The following DYSF variants were observed in gnomAD, a reference collection of about 807,000 sequenced individuals.
DYSF encodes dysferlin, also known as dystrophy-associated fer-1-like 1.
Under a neutral mutation model 274.9 loss-of-function variants are expected in DYSF, and 212 were observed. That is an observed-to-expected ratio of 0.77 (90% CI 0.69 to 0.86). The LOEUF (loss-of-function observed/expected upper bound fraction) is 0.86. Among genes scored for constraint, DYSF ranks in the 40% least tolerant of loss-of-function variants. The pLI, the probability that DYSF is intolerant of heterozygous loss-of-function variation, is 0.00. For synonymous variants in DYSF, 1,091 were observed against 1,078.7 expected (o/e 1.01, Z -0.22); for missense variants, 2,666 against 2,783.2 (o/e 0.96, Z 0.95).
intron 4 of DYSF, among the ~76,000 whole-genome samples, chr2:71,505,510 G>A (rs1283168735): frequency 6.6e-6 from 1 of 152,244 alleles, no homozygotes; most frequent in Non-Finnish European, 1.5e-5. Flanking sequence ...GCGTGGGGGA[G>A]GCCGGGAGTC....
intron 14 of DYSF, among the ~76,000 whole-genome samples, chr2:71,531,979 G>A (rs1022754492): frequency 6.6e-6 from 1 of 152,184 alleles, no homozygotes; most frequent in East Asian, 1.9e-4. Flanking sequence ...CTGAGGTAAT[G>A]AGTCAGCATT....
chr2:71,669,700 C>A lies in DYSF; in HGVS notation c.5738C>A (p.Pro1913His). Residue 1913 changes from proline to histidine, a missense_variant, in exon 51 of 56, where the codon CCC (proline) becomes CAC (histidine). Pro to His is a moderately conservative substitution (Grantham distance 77). This residue lies in a region of DYSF where 1,460 missense variants were observed against 1,502.1 expected (regional missense o/e 0.97). Coordinates refer to ENST00000410020, the MANE Select transcript of DYSF (RefSeq NM_001130987.2). Reference protein sequence around the residue: ...EGNFNWRFIFPFDYLPAEQVC... With the variant: ...EGNFNWRFIFHFDYLPAEQVC... ...AACTTCAACTGGAGGTTCATTTTCC[C>A]CTTCGACTACCTGCCAGCTGAGCAA... 1 of 1,614,156 alleles carries A rather than the reference C, an allele frequency of 6.2e-7. No homozygotes were observed.
At position 71,553,881 on chromosome 2, in the gene DYSF, A is replaced by G. The variant is rs113450735; in HGVS notation, c.2059A>G (p.Ser687Gly). 1 of 1,614,134 alleles carries G rather than the reference A, an allele frequency of 6.2e-7. No individual in the cohort carries two copies. Among genetic ancestry groups the G allele is most frequent in the Non-Finnish European group, 8.5e-7 (1 of 1,180,026 alleles). Residue 687 changes from serine to glycine, a missense_variant, in exon 21 of 56, where the codon AGC becomes GGC. Physicochemically the swap from Ser to Gly is moderately conservative, Grantham distance 56. Around this residue, in one of 3 missense-constraint regions of DYSF, gnomAD observed 412 missense variants for 504.0 expected, o/e 0.82. Transcript: ENST00000410020. ...GCTGTCATCCTACTGGGAGGACATC[A>G]GCCATAGAATCGAGACTCAGAACCA... ...VVLSSYWEDI[S>G]HRIETQNQLL...
chr2:71,520,036 C>A, intron 10 of DYSF, 142 bp from the exon 11 acceptor site: 1 of 891,848 alleles, frequency 1.1e-6, no homozygotes, highest in South Asian at 1.3e-5. Flanking sequence ...ATTTTCTTTT[C>A]ATGTAGTATC....
chr2:71,592,942 A>G (rs1371192561), intron 32 of DYSF, among the ~76,000 whole-genome samples: 1 of 152,008 alleles, frequency 6.6e-6, no homozygotes, highest in Non-Finnish European at 1.5e-5. Flanking sequence ...TGTCCTAGAG[A>G]TATTGCCATC....
chr2:71,661,623 TCCTAGGCATCC>T (rs2094882969), intron 45 of DYSF, among the ~76,000 whole-genome samples: 1 of 152,202 alleles, frequency 6.6e-6, no homozygotes, highest in Non-Finnish European at 1.5e-5. Context: ...TGGGAGTAAT[TCCTAGGCATCC>T]TGAATTGCTG....
At chr2:71,482,299 G>A (rs1055914682) in intron 3 of DYSF, among the ~76,000 whole-genome samples, 1 of 152,180 alleles carries the variant, frequency 6.6e-6, no homozygotes, top group Non-Finnish European at 1.5e-5. Flanking sequence ...CCTGAGGTGG[G>A]CTCTCTTTCC....
intron 1 of DYSF, among the ~76,000 whole-genome samples, chr2:71,478,553 A>G (rs116079956): frequency 2.3e-3 from 351 of 152,230 alleles, no homozygotes; most frequent in African/African-American, 8.2e-3. Flanking sequence ...CCTGTGACCA[A>G]AAAGTTTGAA....
chr2:71,605,179 G>C (rs771856719), intron 36 of DYSF, among the ~76,000 whole-genome samples: 1 of 152,002 alleles, frequency 6.6e-6, no homozygotes. Context: ...CTCTCCTTTC[G>C]TGTTTCACTC....
intron 18 of DYSF, 88 bp downstream of exon 18, chr2:71,551,244 C>T: frequency 7.1e-7 from 1 of 1,402,168 alleles, no homozygotes; most frequent in East Asian, 2.3e-5. Context: ...TCTTCCAGCC[C>T]CTCCTGGGGG....
intron 10 of DYSF, among the ~76,000 whole-genome samples, chr2:71,518,938 CAA>C (rs933136793): frequency 9.2e-5 from 14 of 151,362 alleles, no homozygotes; most frequent in Non-Finnish European, 2.1e-4. Flanking sequence ...ACTAAAAATA[CAA>C]AAATTAGCTG....
intron 1 of DYSF, among the ~76,000 whole-genome samples, chr2:71,454,575 C>T (rs771031945): frequency 3.9e-5 from 6 of 152,258 alleles, no homozygotes; most frequent in Non-Finnish European, 7.4e-5. Flanking sequence ...CCACTGGAGG[C>T]GAAGGCACCC....
At chr2:71,586,291 G>A (rs928425872) in intron 30 of DYSF, among the ~76,000 whole-genome samples, 5 of 152,160 alleles carry the variant, frequency 3.3e-5, no homozygotes, top group African/African-American at 9.7e-5. Context: ...CTGGCTCTGG[G>A]GGGTGTGTCT....
intron 45 of DYSF, 67 bp from the exon 46 acceptor site, chr2:71,664,201 T>G: frequency 6.2e-7 from 1 of 1,608,562 alleles, no homozygotes; most frequent in South Asian, 1.1e-5. Context: ...TTCGAGCTCT[T>G]GTCCTGCCCT....
At chr2:71,507,606 C>T (rs920034602) in intron 4 of DYSF, among the ~76,000 whole-genome samples, 2 of 152,196 alleles carry the variant, frequency 1.3e-5, no homozygotes, top group African/African-American at 2.4e-5. Flanking sequence ...CACACAGGCA[C>T]GTGTGCGCGC....
At chr2:71,504,780 G>A (rs1041369203) in intron 4 of DYSF, among the ~76,000 whole-genome samples, 22 of 152,190 alleles carry the variant, frequency 1.4e-4, no homozygotes, top group African/African-American at 5.3e-4. Flanking sequence ...GTCCAGCCCC[G>A]AGGCAGAGTT....
At chr2:71,540,691 A>G (rs1376165979) in intron 17 of DYSF, among the ~76,000 whole-genome samples, 1 of 150,940 alleles carries the variant, frequency 6.6e-6, no homozygotes, top group African/African-American at 2.4e-5. Context: ...ACATGTTTAT[A>G]TAATTTATAT....
At chr2:71,627,999 G>C (rs1224364012) in intron 41 of DYSF, among the ~76,000 whole-genome samples, 2 of 152,032 alleles carry the variant, frequency 1.3e-5, no homozygotes, top group African/African-American at 4.8e-5. Context: ...CCTGTGAACA[G>C]CAAATAGATA....
At chr2:71,661,638 AT>A (rs1041263991) in intron 45 of DYSF, among the ~76,000 whole-genome samples, 1 of 152,194 alleles carries the variant, frequency 6.6e-6, no homozygotes. Flanking sequence ...GGCATCCTGA[AT>A]TGCTGTTTGG....
Sources: gnomAD v4.1 joint callset for allele counts (sites outside exome capture counted in the v4.1 genomes callset) on GRCh38, gnomAD v4.1.1 for gene constraint, gnomAD v4.1.1 regional missense constraint, MANE v1.5 for transcripts, NCBI Gene and HGNC (gene_info 2026-07-23, HGNC 2026-07-21) for gene names.